The following PARP8 variants were observed in gnomAD, a reference collection of about 807,000 sequenced individuals.
The protein encoded by PARP8 is protein mono-ADP-ribosyltransferase PARP8.
PARP8 carries 51 observed loss-of-function variants against 124.1 expected under a neutral mutation model. The ratio of observed to expected loss-of-function variants is 0.41; its 90% CI spans 0.33 to 0.52. The LOEUF (loss-of-function observed/expected upper bound fraction) is 0.52. Ranked by LOEUF, PARP8 falls within the 20% of genes least tolerant of loss-of-function variation. PARP8 has a pLI of 0.21. For missense variants in PARP8, 860 were observed against 1,018.9 expected (o/e 0.84, Z 2.12); for synonymous variants, 391 against 361.5 (o/e 1.08, Z -0.93).
intron 22 of PARP8, among the ~76,000 whole-genome samples, 162 bp from the exon 23 acceptor site, chr5:50,832,618 GA>G (rs1338024495): frequency 2.6e-5 from 4 of 152,148 alleles, no homozygotes; most frequent in African/African-American, 9.7e-5. Flanking sequence ...CAAACCCACT[GA>G]TCTTCCACCT....
intron 2 of PARP8, among the ~76,000 whole-genome samples, chr5:50,670,009 T>C (rs1749821473): frequency 6.6e-6 from 1 of 152,264 alleles, no homozygotes; most frequent in Non-Finnish European, 1.5e-5. Context: ...ATGTAAAAAG[T>C]TGTTACAGTG....
intron 2 of PARP8, among the ~76,000 whole-genome samples, chr5:50,686,994 A>T (rs1266392843): frequency 6.6e-6 from 1 of 152,224 alleles, no homozygotes; most frequent in Non-Finnish European, 1.5e-5. Flanking sequence ...TTGGGGATTA[A>T]CATTCGGCTT....
chr5:50,747,167 T>TG lies in PARP8; in HGVS notation c.147-2984_147-2983insG, dbSNP rs1459936118. Among the ~76,000 whole-genome samples, 291 of 143,320 alleles carry TG rather than the reference T, an allele frequency of 2.0e-3. 4 individuals carry two copies. Among genetic ancestry groups the TG allele is most frequent in the African/African-American group, 6.9e-3 (265 of 38,450 alleles). The allele number at this position is 143,320 out of a possible 152,430, so 94.0% of individuals were successfully genotyped here. On this transcript the variant is annotated intron_variant, in intron 2 of 25. Coordinates refer to ENST00000281631, the MANE Select transcript of PARP8 (RefSeq NM_024615.4). ...TTTTTTTTGTTTGTTTGTTTTGTTT[T>TG]TTTTTTTTTTTTTGTCTCTTCCTAA...
At chr5:50,671,740 G>GA (rs1750045753) in intron 2 of PARP8, among the ~76,000 whole-genome samples, 1 of 151,950 alleles carries the variant, frequency 6.6e-6, no homozygotes, top group Non-Finnish European at 1.5e-5. Flanking sequence ...GAAAAGACAT[G>GA]AGACTAAAGA....
chr5:50,814,136 A>G (rs996420648), intron 14 of PARP8, among the ~76,000 whole-genome samples: 26 of 152,128 alleles, frequency 1.7e-4, no homozygotes, highest in African/African-American at 4.8e-4. Flanking sequence ...GTATTGAAGC[A>G]CCAGAATAGC....
At chr5:50,669,927 A>G (rs1309402025) in intron 2 of PARP8, among the ~76,000 whole-genome samples, 1 of 152,252 alleles carries the variant, frequency 6.6e-6, no homozygotes, top group African/African-American at 2.4e-5. Flanking sequence ...CAGCCTGTTA[A>G]AAGAGAAAGA....
chr5:50,739,189 C>T (rs1051319877), intron 2 of PARP8: 52 of 642,118 alleles, frequency 8.1e-5, no homozygotes, highest in Admixed American at 1.7e-4. Context: ...CCTTTCCTTC[C>T]ATTGCAGGGG....
intron 2 of PARP8, among the ~76,000 whole-genome samples, chr5:50,731,088 C>CAG (rs1175741806): frequency 1.3e-5 from 2 of 152,166 alleles, no homozygotes; most frequent in African/African-American, 4.8e-5. Context: ...GAGGAAATGT[C>CAG]AGAAAACCTG....
intron 20 of PARP8, 56 bp downstream of exon 20, chr5:50,828,112 G>A: frequency 7.7e-7 from 1 of 1,307,178 alleles, no homozygotes; most frequent in Non-Finnish European, 1.1e-6. Context: ...TTCCAGAAAT[G>A]TATGGGGAAG....
At position 50,821,423 on chromosome 5, in the gene PARP8, T is replaced by C; in HGVS notation, c.1794+85T>C. The C allele has an allele frequency of 4.9e-6, 7 of 1,424,418 alleles. 1 individual carries two copies. The South Asian group carries it at 8.6e-5, about 17-fold the overall frequency. The allele number at this position is 1,424,418 out of a possible 1,614,324, so 88.2% of individuals were successfully genotyped here. ...GAGATTGTAGTCTCATTAGGTTTCC[T>C]CTTTCTATCTAAATCTCTATCTCAT... On this transcript the variant is annotated intron_variant, in intron 16 of 25. Transcript: ENST00000281631.
intron 14 of PARP8, among the ~76,000 whole-genome samples, chr5:50,800,579 C>T (rs1048966185): frequency 5.3e-5 from 8 of 151,954 alleles, no homozygotes; most frequent in African/African-American, 1.9e-4. Context: ...GAGAAAAATC[C>T]CCTTCTAGTC....
At chr5:50,739,055 C>T in intron 2 of PARP8, 1 of 702,526 alleles carries the variant, frequency 1.4e-6, no homozygotes, top group Non-Finnish European at 2.6e-6. Flanking sequence ...CTTCCTCATT[C>T]ACATCTAGGA....
intron 11 of PARP8, 98 bp downstream of exon 11, chr5:50,794,430 A>T: frequency 2.2e-6 from 3 of 1,380,242 alleles, no homozygotes; most frequent in Non-Finnish European, 2.9e-6. Flanking sequence ...GCATCTGTTT[A>T]TTTTCTTTAT....
At chr5:50,800,349 C>T (rs1263312198) in intron 14 of PARP8, among the ~76,000 whole-genome samples, 1 of 152,132 alleles carries the variant, frequency 6.6e-6, no homozygotes, top group African/African-American at 2.4e-5. Context: ...CTTTGTTTCT[C>T]TATATAAAAT....
At chr5:50,729,004 A>G (rs1237641262) in intron 2 of PARP8, among the ~76,000 whole-genome samples, 1 of 152,150 alleles carries the variant, frequency 6.6e-6, no homozygotes, top group Non-Finnish European at 1.5e-5. Flanking sequence ...ATTTTTTCTC[A>G]TAAATTTACT....
intron 2 of PARP8, among the ~76,000 whole-genome samples, chr5:50,716,746 A>G (rs1188040439): frequency 6.6e-6 from 1 of 152,058 alleles, no homozygotes; most frequent in Non-Finnish European, 1.5e-5. Context: ...ATTATCTTTA[A>G]TCTGCTCATC....
chr5:50,801,599 GC>G (rs955424110), intron 14 of PARP8, among the ~76,000 whole-genome samples: 41 of 152,246 alleles, frequency 2.7e-4, no homozygotes, highest in African/African-American at 9.4e-4. Context: ...TGTCAGTCCT[GC>G]TACAGGCTTG....
intron 9 of PARP8, among the ~76,000 whole-genome samples, chr5:50,787,687 C>A (rs1325429761): frequency 2.0e-5 from 3 of 151,932 alleles, no homozygotes; most frequent in African/African-American, 7.3e-5. Flanking sequence ...GCAAGAGATA[C>A]TCTTTAAACC....
intron 2 of PARP8, among the ~76,000 whole-genome samples, chr5:50,745,768 T>A (rs551211268): frequency 1.8e-4 from 28 of 152,334 alleles, no homozygotes; most frequent in African/African-American, 6.0e-4. Flanking sequence ...TTCTGTCACA[T>A]AGCACTGCCA....
Sources: allele counts gnomAD v4.1 joint callset (sites outside exome capture counted in the v4.1 genomes callset), GRCh38; gene constraint gnomAD v4.1.1; transcripts MANE v1.5; gene names NCBI Gene and HGNC (gene_info 2026-07-23, HGNC 2026-07-21).